SYNPO: variants seen among roughly 807,000 people sequenced by gnomAD.
SYNPO encodes synaptopodin.
A neutral mutation model predicts 49.5 loss-of-function variants in SYNPO; 19 were observed. The observed-to-expected ratio is 0.38, with a 90% CI of 0.27 to 0.56. SYNPO has a LOEUF of 0.56. Among genes scored for constraint, SYNPO ranks in the 20% least tolerant of loss-of-function variants. The probability of loss-of-function intolerance (pLI) is 0.68; values close to 1 mark genes in which losing one functional copy is unlikely to be tolerated. For missense variants in SYNPO, 1,131 were observed against 1,248.3 expected (o/e 0.91, Z 1.42); for synonymous variants, 536 against 548.0 (o/e 0.98, Z 0.31).
chr5:150,650,934 C>T, intron 2 of SYNPO: 1 of 1,255,834 alleles, frequency 8.0e-7, no homozygotes, highest in Non-Finnish European at 1.0e-6. Context: ...CGCCTGCGCT[C>T]CCCTCCAGGG....
rs1305274525 is a variant in SYNPO at position 150,649,669 on chromosome 5, C to T, written c.1394C>T (p.Pro465Leu). 8 of 1,610,558 alleles carry T rather than the reference C, an allele frequency of 5.0e-6. No homozygotes were observed. The highest frequency in any genetic ancestry group is 3.3e-5 in the South Asian group (3 of 91,086). ...AAGTCACCCCGCATCCAGGCCAAGCCGAAGCCCAAACCCAACCAGAACCTC... is the reference window on the plus strand; with the variant it reads ...AAGTCACCCCGCATCCAGGCCAAGCTGAAGCCCAAACCCAACCAGAACCTC... The part of the protein sequence containing the change: ...CLKSPRIQAK[P>L]KPKPNQNLSE... Residue 465 changes from proline to leucine, a missense_variant, in exon 2 of 3, where the codon CCG (proline) becomes CTG (leucine). Pro to Leu is a moderately conservative substitution (Grantham distance 98). Coordinates refer to ENST00000307662, the MANE Select transcript of SYNPO (RefSeq NM_007286.6).
rs150185163 is a variant in SYNPO at position 150,603,640 on chromosome 5, G to A, written c.-266+2452G>A. Among the ~76,000 whole-genome samples the A allele has an allele frequency of 4.6e-3, 707 of 152,340 alleles. 6 individuals are homozygous for A. Among genetic ancestry groups the A allele is most frequent in the African/African-American group, 0.016 (661 of 41,572 alleles). On this transcript the variant is annotated intron_variant, in intron 1 of 2. Coordinates refer to the SYNPO transcript ENST00000394243. The stretch of plus-strand genomic sequence containing the variant: ...CTTGTCTTGTCCTGCAACAGGCAAA[G>A]GGTACCAAGCTTTGGCTCCAGGATG...
At chr5:150,587,612 C>T in the SYNPO span, among the ~76,000 whole-genome samples, 2 of 152,158 alleles carry the variant, frequency 1.3e-5, no homozygotes, top group East Asian at 3.9e-4. Flanking sequence ...AGACAGGTAC[C>T]TTTTATTTAT....
chr5:150,603,043 G>GT (rs1561629812), intron 1 of SYNPO, among the ~76,000 whole-genome samples: 23 of 95,792 alleles, frequency 2.4e-4, no homozygotes, highest in African/African-American at 9.5e-4. Flanking sequence ...TGTGTGTGTG[G>GT]TGTATGCTGT....
At chr5:150,637,993 C>G (rs768504821), upstream of SYNPO, among the ~76,000 whole-genome samples, 6 of 152,114 alleles carry the variant, frequency 3.9e-5, no homozygotes, top group Non-Finnish European at 7.4e-5. Context: ...CTGTGCCTAG[C>G]CCTCCCCATT....
chr5:150,639,407 G>A (rs1757820316), upstream of SYNPO, among the ~76,000 whole-genome samples: 1 of 152,246 alleles, frequency 6.6e-6, no homozygotes, highest in African/African-American at 2.4e-5. Flanking sequence ...TTGAACAGGG[G>A]AGGAGCACTG....
chr5:150,630,802 C>T (rs61524800), intron 2 of SYNPO, among the ~76,000 whole-genome samples: 3 of 152,188 alleles, frequency 2.0e-5, no homozygotes, highest in Admixed American at 2.0e-4. Flanking sequence ...GGACTTTAAG[C>T]TGTGCCAGGG....
chr5:150,604,998 C>T (rs1445148988), intron 1 of SYNPO, among the ~76,000 whole-genome samples: 1 of 152,200 alleles, frequency 6.6e-6, no homozygotes, highest in Non-Finnish European at 1.5e-5. Flanking sequence ...TCTGTGTTTC[C>T]TCATCTGTAA....
chr5:150,616,579 T>C (rs1756989039), intron 1 of SYNPO, among the ~76,000 whole-genome samples: 1 of 152,238 alleles, frequency 6.6e-6, no homozygotes, highest in African/African-American at 2.4e-5. Context: ...CCTGGAATTC[T>C]CCCCTGTTCT....
intron 2 of SYNPO, among the ~76,000 whole-genome samples, chr5:150,625,981 G>A (rs1436143271): frequency 2.0e-5 from 3 of 152,230 alleles, no homozygotes; most frequent in Non-Finnish European, 4.4e-5. Flanking sequence ...TAGCCCCTGA[G>A]GGGGAAATTG....
chr5:150,621,209 T>C (rs1259531242), intron 2 of SYNPO, among the ~76,000 whole-genome samples: 3 of 152,204 alleles, frequency 2.0e-5, no homozygotes, highest in Non-Finnish European at 4.4e-5. Context: ...TGCCTCGGCC[T>C]CCCAAAGTGC....
rs1339345307 is a variant in SYNPO, at chr5:150,601,238, G to A, written c.-266+50G>A. ...AGAACAGGGCCTTCCAGGGGAGAGG[G>A]GGCCTCGGGGTCCCTGGGATGGCCA... is the stretch of plus-strand genomic sequence containing the variant. On this transcript the variant is annotated intron_variant, in intron 1 of 2. Transcript: ENST00000394243. 6 of 152,680 alleles carry A rather than the reference G, an allele frequency of 3.9e-5. No homozygotes were observed. In the East Asian group the frequency reaches 1.1e-3, roughly 29 times the overall value. The allele number at this position is 152,680 out of a possible 1,614,324, so 9.5% of individuals were successfully genotyped here. A position where few individuals can be genotyped will look rare whatever the true frequency, so the allele number is the denominator to read the frequency against.
At chr5:150,651,287 G>T (rs375347562) in intron 2 of SYNPO, 1 of 1,001,166 alleles carries the variant, frequency 1.0e-6, no homozygotes. Context: ...GGCAGGAGAG[G>T]AGGGTTCCGG....
Position 150,649,985 on chromosome 5 carries a change from G to T in SYNPO, c.1710G>T (p.Ser570=). ...TKQPPYQLRP[S]LFVLSPIKEP... Reference sequence around the variant, plus strand: ...AGCCGCCATACCAGCTGCGCCCCTCGCTCTTTGTCCTCTCACCTATCAAGG... The same window carrying T: ...AGCCGCCATACCAGCTGCGCCCCTCTCTCTTTGTCCTCTCACCTATCAAGG... Residue 570 remains serine (S), a synonymous_variant, in exon 2 of 3, where the codon TCG becomes TCT. Transcript: ENST00000307662. The T allele has an allele frequency of 6.2e-7, 1 of 1,612,684 alleles. No individual in the cohort carries two copies. Among genetic ancestry groups the T allele is most frequent in the Non-Finnish European group, 8.5e-7 (1 of 1,179,976 alleles).
chr5:150,586,101 C>T, the SYNPO span, among the ~76,000 whole-genome samples: 75 of 152,362 alleles, frequency 4.9e-4, no homozygotes, highest in African/African-American at 1.8e-3. Flanking sequence ...CAGCTGCAAG[C>T]CAGCATGCAG....
intron 1 of SYNPO, among the ~76,000 whole-genome samples, chr5:150,609,788 G>GGGA (rs1554107085): frequency 2.0e-5 from 3 of 151,306 alleles, no homozygotes; most frequent in South Asian, 4.2e-4. Flanking sequence ...GAATGTGGCG[G>GGGA]GGGGGGGCAG....
At position 150,627,838 on chromosome 5, in the gene SYNPO, A is replaced by G. The variant is rs1489600158; in HGVS notation, c.400+9071A>G. 2.0e-5 allele frequency among the ~76,000 whole-genome samples: 3 copies of G among 152,032 alleles called. No individual in the cohort carries two copies. The East Asian group carries it at 5.8e-4, about 29-fold the overall frequency. On this transcript the variant is annotated intron_variant, in intron 2 of 2. Transcript: ENST00000394243. ...AGGAAAGGTTTCCCAGAAGATGGTC[A>G]TGCTCTGGGGCTAGGGGCTGGGACC... is the stretch of plus-strand genomic sequence containing the variant.
intron 2 of SYNPO, among the ~76,000 whole-genome samples, chr5:150,633,970 T>C (rs1381739847): frequency 6.6e-6 from 1 of 151,708 alleles, no homozygotes; most frequent in African/African-American, 2.4e-5. Context: ...AAAATAAAAA[T>C]TAAAAAAAAG....
At chr5:150,592,427 A>C in the SYNPO span, among the ~76,000 whole-genome samples, 1 of 152,200 alleles carries the variant, frequency 6.6e-6, no homozygotes, top group East Asian at 1.9e-4. Context: ...CTCACTGCTA[A>C]GTGATATTGG....
Sources: allele counts gnomAD v4.1 joint callset (sites outside exome capture counted in the v4.1 genomes callset), GRCh38; gene constraint gnomAD v4.1.1; transcripts MANE v1.5; gene names NCBI Gene and HGNC (gene_info 2026-07-23, HGNC 2026-07-21).